The following IQCH variants were observed in gnomAD, a reference collection of about 807,000 sequenced individuals.
The protein encoded by IQCH is IQ domain-containing protein H.
Under a neutral mutation model 117.0 loss-of-function variants are expected in IQCH, and 98 were observed. That is an observed-to-expected ratio of 0.84 (90% confidence interval 0.71 to 0.99). The LOEUF is 0.99. Ranked by LOEUF, IQCH falls within the 50% of genes least tolerant of loss-of-function variation. IQCH has a pLI of 0.00. For synonymous variants in IQCH, 412 were observed against 448.2 expected (o/e 0.92, Z 1.02); for missense variants, 1,102 against 1,243.8 (o/e 0.89, Z 1.72).
At chr15:67,336,340 A>G (rs1968891297) in intron 4 of IQCH, among the ~76,000 whole-genome samples, 1 of 152,218 alleles carries the variant, frequency 6.6e-6, no homozygotes, top group African/African-American at 2.4e-5. Flanking sequence ...GGACTATACA[A>G]TCAAATGTGA....
chr15:67,475,588 A>G lies in IQCH; in HGVS notation c.2677-108A>G. On this transcript the variant is annotated intron_variant, in intron 17 of 20. Coordinates refer to ENST00000335894, the MANE Select transcript of IQCH (RefSeq NM_001031715.3). This position sits in a 1 kb window ranked among gnomAD's most constrained non-coding sequence, Gnocchi z 5.7. Reference sequence around the variant, plus strand: ...AATAGGAGAACTGGGTGTGGGGGATATAGGAACTCTCAGAATTATCTTCGC... The same window carrying G: ...AATAGGAGAACTGGGTGTGGGGGATGTAGGAACTCTCAGAATTATCTTCGC... 1 of 908,170 alleles carries G rather than the reference A, an allele frequency of 1.1e-6. No individual in the cohort carries two copies. The highest frequency in any genetic ancestry group is 1.7e-6 in the Non-Finnish European group (1 of 588,764). The allele number at this position is 908,170 out of a possible 1,614,324, so 56.3% of individuals were successfully genotyped here. A position where few individuals can be genotyped will look rare whatever the true frequency, so the allele number is the denominator to read the frequency against.
intron 6 of IQCH, among the ~76,000 whole-genome samples, chr15:67,349,255 G>A (rs781322639): frequency 1.3e-5 from 2 of 152,144 alleles, no homozygotes; most frequent in Non-Finnish European, 2.9e-5. Flanking sequence ...TGAAAAACTG[G>A]ATACATTGGA....
At chr15:67,419,187 G>A (rs1459638290) in intron 15 of IQCH, among the ~76,000 whole-genome samples, 3 of 152,176 alleles carry the variant, frequency 2.0e-5, no homozygotes, top group Admixed American at 2.0e-4. Context: ...TGAAGACACT[G>A]AAGCTCAGAG....
intron 16 of IQCH, among the ~76,000 whole-genome samples, chr15:67,449,543 G>A (rs138368467): frequency 0.42 from 63,436 of 151,818 alleles, 14,339 homozygotes; most frequent in Non-Finnish European, 0.52. Context: ...GTAGATATGC[G>A]GCATTATTTC....
rs1478463725 is a variant in IQCH at position 67,359,692 on chromosome 15, T to TC, written c.715-154dup. On this transcript the variant is annotated intron_variant, in intron 7 of 20. Transcript: ENST00000335894. The surrounding 1 kb of genome is among the most constrained non-coding windows in gnomAD (Gnocchi z 4.5). ...TCGTTGTCAGTGTGGGAAAGGTCTT[T>TC]CTAATTATTAGCTCCTGCCTGCGTG... 6.6e-6 allele frequency among the ~76,000 whole-genome samples: 1 copy of TC among 152,214 alleles called. No homozygotes were observed. The highest frequency in any genetic ancestry group is 1.5e-5 in the Non-Finnish European group (1 of 68,024).
rs763197600 is a variant in IQCH at position 67,468,740 on chromosome 15, CATTT to C, written c.2676+3448_2676+3451del. Among the ~76,000 whole-genome samples the C allele has an allele frequency of 1.7e-3, 261 of 152,288 alleles. 1 individual carries two copies. Among genetic ancestry groups the C allele is most frequent in the African/African-American group, 5.9e-3 (244 of 41,552 alleles). ...TACTTGGATTATTTTATCAAACATT[CATTT>C]ATTTGTGGTCCCTTACTGCCGAGAA... On this transcript the variant is annotated intron_variant, in intron 17 of 20. Coordinates refer to ENST00000335894, the MANE Select transcript of IQCH (RefSeq NM_001031715.3).
In IQCH at chr15:67,387,334, G is replaced by A. The variant is rs1971139204; in HGVS notation, c.1457-1497G>A. Among the ~76,000 whole-genome samples the A allele has an allele frequency of 6.6e-6, 1 of 152,114 alleles. No homozygotes were observed. Among genetic ancestry groups the A allele is most frequent in the Non-Finnish European group, 1.5e-5 (1 of 68,018 alleles). ...TAGAGAGATTTCTCTATGTATGTAT[G>A]CCCTGCGTCTAGGTGTAAAAGACCT... On this transcript the variant is annotated intron_variant, in intron 11 of 20. Coordinates refer to ENST00000335894, the MANE Select transcript of IQCH (RefSeq NM_001031715.3). This position sits in a 1 kb window ranked among gnomAD's most constrained non-coding sequence, Gnocchi z 4.8.
At chr15:67,355,034 A>G (rs1335245643) in intron 6 of IQCH, among the ~76,000 whole-genome samples, 1 of 152,224 alleles carries the variant, frequency 6.6e-6, no homozygotes, top group Non-Finnish European at 1.5e-5. Context: ...GTCCAGGGAT[A>G]GGGTTAGAGC....
intron 3 of IQCH, among the ~76,000 whole-genome samples, chr15:67,264,781 C>A (rs12438251): frequency 0.3 from 44,944 of 151,528 alleles, 6,861 homozygotes; most frequent in South Asian, 0.37. Context: ...TCTAGGAGGC[C>A]AAATACCACT....
intron 16 of IQCH, among the ~76,000 whole-genome samples, chr15:67,448,168 T>TGC (rs1435764261): frequency 6.6e-6 from 1 of 151,536 alleles, no homozygotes; most frequent in Non-Finnish European, 1.5e-5. Flanking sequence ...TGTGTGTGTG[T>TGC]GTGTGTGTGT....
At chr15:67,303,927 G>A (rs1967175158) in intron 4 of IQCH, among the ~76,000 whole-genome samples, 1 of 152,088 alleles carries the variant, frequency 6.6e-6, no homozygotes, top group South Asian at 2.1e-4. Context: ...GTCCCTAGAG[G>A]AAAGTGGCCA....
chr15:67,490,179 ATCTT>A lies in IQCH; in HGVS notation c.2861+117_2861+120del. On this transcript the variant is annotated intron_variant, in intron 19 of 20. Coordinates refer to ENST00000335894, the MANE Select transcript of IQCH (RefSeq NM_001031715.3). The surrounding 1 kb of genome is among the most constrained non-coding windows in gnomAD (Gnocchi z 4.9). The stretch of plus-strand genomic sequence containing the variant: ...CAGCATGCTGATTTATTAGAAGTCT[ATCTT>A]TATTTAGATCTTCAGGTATTTTATT... The A allele has an allele frequency of 2.6e-6, 2 of 774,602 alleles. No individual in the cohort carries two copies. The highest frequency in any genetic ancestry group is 4.4e-6 in the Non-Finnish European group (2 of 452,046). The allele number at this position is 774,602 out of a possible 1,614,324, so 48.0% of individuals were successfully genotyped here.
chr15:67,352,208 T>G (rs1433492784), intron 6 of IQCH, among the ~76,000 whole-genome samples: 1 of 152,218 alleles, frequency 6.6e-6, no homozygotes, highest in Non-Finnish European at 1.5e-5. Flanking sequence ...TTAATAAATA[T>G]CTGTACTTTT....
In IQCH at chr15:67,465,179, A is replaced by G. The variant is rs1166192445; in HGVS notation, c.2558A>G (p.Gln853Arg). ...TATAGTGACCAGCTGGCCCTGACTC[A>G]ACTCACCTTATACCTGACAAACGGC... ...LAYSDQLALT[Q>R]LTLYLTNGHL... Residue 853 changes from glutamine to arginine, a missense_variant, in exon 17 of 21, where the codon CAA becomes CGA. Gln to Arg is a conservative substitution (Grantham distance 43). This residue lies in a region of IQCH where 650 missense variants were observed against 794.3 expected (regional missense o/e 0.82). Transcript: ENST00000335894. The surrounding 1 kb of genome is among the most constrained non-coding windows in gnomAD (Gnocchi z 5.9). 6.2e-7 allele frequency: 1 copy of G among 1,614,132 alleles called. No homozygotes were observed. Among genetic ancestry groups the G allele is most frequent in the East Asian group, 2.2e-5 (1 of 44,884 alleles).
chr15:67,287,149 A>G (rs769407055), intron 4 of IQCH, among the ~76,000 whole-genome samples: 2 of 152,098 alleles, frequency 1.3e-5, no homozygotes, highest in Non-Finnish European at 2.9e-5. Context: ...TTATCTTCTT[A>G]ATGTGTTGTT....
chr15:67,497,392 G>C (rs1205777234), intron 20 of IQCH, among the ~76,000 whole-genome samples: 1 of 152,072 alleles, frequency 6.6e-6, no homozygotes, highest in Non-Finnish European at 1.5e-5. Flanking sequence ...CATAAAATCA[G>C]TATACAAAAG....
rs1308185060 is a variant in IQCH, at chr15:67,496,737, G to A, written c.2970+2371G>A. 3.3e-5 allele frequency among the ~76,000 whole-genome samples: 5 copies of A among 151,946 alleles called. No homozygotes were observed. Among genetic ancestry groups the A allele is most frequent in the Non-Finnish European group, 7.4e-5 (5 of 67,982 alleles). ...AAGAAGAAATAAAAGTAAAAGTATC[G>A]GCCGGGCACGGTGGCTCACGCCTGT... is the stretch of plus-strand genomic sequence containing the variant. On this transcript the variant is annotated intron_variant, in intron 20 of 20. Transcript: ENST00000335894. This position sits in a 1 kb window ranked among gnomAD's most constrained non-coding sequence, Gnocchi z 4.4.
intron 5 of IQCH, among the ~76,000 whole-genome samples, chr15:67,340,947 G>C (rs1969143141): frequency 6.6e-6 from 1 of 152,172 alleles, no homozygotes; most frequent in South Asian, 2.1e-4. Context: ...AGCGGCTCAT[G>C]CCTCTAATCC....
chr15:67,290,947 A>ATAG (rs1966729543), intron 4 of IQCH, among the ~76,000 whole-genome samples: 1 of 151,860 alleles, frequency 6.6e-6, no homozygotes. Context: ...GCTGGCCTTT[A>ATAG]TGGGCCAGGA....
Sources: gnomAD v4.1 joint callset for allele counts (sites outside exome capture counted in the v4.1 genomes callset) on GRCh38, gnomAD v4.1.1 for gene constraint, gnomAD v4.1.1 regional missense constraint, Gnocchi (gnomAD v3.1) non-coding constraint, MANE v1.5 for transcripts, NCBI Gene and HGNC (gene_info 2026-07-23, HGNC 2026-07-21) for gene names.